SLC14A2: variants seen among roughly 807,000 people sequenced by gnomAD.
SLC14A2 encodes solute carrier family 14 member 2, also known as urea transporter 2.
In SLC14A2, 91 loss-of-function variants were observed where a neutral mutation model predicts 104.6. That is an observed-to-expected ratio of 0.87 (90% CI 0.73 to 1.04). The LOEUF (loss-of-function observed/expected upper bound fraction) is 1.04, where lower values mean the gene tolerates loss of function less well. Ranked by LOEUF, SLC14A2 falls within the 50% of genes least tolerant of loss-of-function variation. The probability of loss-of-function intolerance (pLI) is 0.00; values close to 1 mark genes in which losing one functional copy is unlikely to be tolerated. For missense variants in SLC14A2, 1,189 were observed against 1,156.0 expected, an observed-to-expected ratio of 1.03 and a Z score of -0.41; for synonymous variants, 476 against 466.4, an observed-to-expected ratio of 1.02 and a Z score of -0.27.
chr18:45,564,745 G>A (rs936043018), intron 2 of SLC14A2, among the ~76,000 whole-genome samples: 1 of 152,104 alleles, frequency 6.6e-6, no homozygotes, highest in Non-Finnish European at 1.5e-5. Context: ...GCCAATGAAG[G>A]GCTCTGGAGT....
At chr18:45,618,562 G>A (rs368235448) in intron 1 of SLC14A2, among the ~76,000 whole-genome samples, 16 of 151,292 alleles carry the variant, frequency 1.1e-4, no homozygotes, top group Admixed American at 3.3e-4. Context: ...CCAGCTACTC[G>A]GGAGGCTGAG....
intron 2 of SLC14A2, among the ~76,000 whole-genome samples, chr18:45,546,723 C>A (rs1048874575): frequency 3.3e-5 from 5 of 152,192 alleles, no homozygotes; most frequent in Admixed American, 2.6e-4. Flanking sequence ...CCTCAATTTC[C>A]TCATCTGTAA....
chr18:45,675,721 T>A (rs1241367192), intron 18 of SLC14A2, among the ~76,000 whole-genome samples: 2 of 120,478 alleles, frequency 1.7e-5, no homozygotes, highest in East Asian at 2.6e-4. Context: ...TTTTTTTTTT[T>A]TTTTTTTTGG....
At chr18:45,269,832 A>C (rs2084632142) in intron 1 of SLC14A2, among the ~76,000 whole-genome samples, 1 of 152,188 alleles carries the variant, frequency 6.6e-6, no homozygotes, top group African/African-American at 2.4e-5. Flanking sequence ...CAAAGCTGTC[A>C]AGGCAGTTGC....
At chr18:45,561,938 C>T (rs2044205617) in intron 2 of SLC14A2, among the ~76,000 whole-genome samples, 2 of 152,176 alleles carry the variant, frequency 1.3e-5, no homozygotes, top group Non-Finnish European at 2.9e-5. Context: ...TATGGCAAGT[C>T]ATCATATTCC....
intron 1 of SLC14A2, among the ~76,000 whole-genome samples, chr18:45,280,544 G>A (rs1464614647): frequency 6.6e-6 from 1 of 152,126 alleles, no homozygotes; most frequent in African/African-American, 2.4e-5. Context: ...TTTGATACCA[G>A]TCCAGGCTCT....
At position 45,663,755 on chromosome 18, in the gene SLC14A2, A is replaced by G. The variant is rs758613050; in HGVS notation, c.1352-30A>G. On this transcript the variant is annotated intron_variant, in intron 10 of 19. Coordinates refer to ENST00000255226, the MANE Select transcript of SLC14A2 (RefSeq NM_007163.4). ...CTCTCAGGTGCGGACTAGGTGGGAC[A>G]CTGACCTGTCTTGTTTTGCCCCTGG... 11 of 1,607,700 alleles carry G rather than the reference A, an allele frequency of 6.8e-6. No individual in the cohort carries two copies. In the African/African-American group the frequency reaches 1.5e-4, roughly 22 times the overall value.
chr18:45,356,298 G>A (rs1378345896), intron 1 of SLC14A2, among the ~76,000 whole-genome samples: 3 of 152,190 alleles, frequency 2.0e-5, no homozygotes, highest in Non-Finnish European at 4.4e-5. Context: ...TGAGATCATG[G>A]ATATAGAACA....
intron 1 of SLC14A2, among the ~76,000 whole-genome samples, chr18:45,222,443 A>G (rs12605591): frequency 0.12 from 17,829 of 152,198 alleles, 1,057 homozygotes; most frequent in African/African-American, 0.12. Flanking sequence ...CCATACTGAG[A>G]CTGACATGTG....
chr18:45,544,475 A>G (rs971530852), intron 2 of SLC14A2, among the ~76,000 whole-genome samples: 5 of 152,174 alleles, frequency 3.3e-5, no homozygotes, highest in African/African-American at 9.7e-5. Context: ...TGTCTTGTTC[A>G]TAGTAATCAT....
At chr18:45,418,394 T>C (rs553917139) in intron 1 of SLC14A2, among the ~76,000 whole-genome samples, 9 of 152,278 alleles carry the variant, frequency 5.9e-5, no homozygotes, top group Non-Finnish European at 1.3e-4. Flanking sequence ...TTGCATGTGG[T>C]GTTGAAACAA....
chr18:45,445,398 C>G (rs1332207702), intron 1 of SLC14A2, among the ~76,000 whole-genome samples: 4 of 152,174 alleles, frequency 2.6e-5, no homozygotes, highest in Non-Finnish European at 5.9e-5. Flanking sequence ...GCGTGAGCCA[C>G]CAAGCCTGGC....
chr18:45,637,637 C>T (rs1439932003), intron 6 of SLC14A2, among the ~76,000 whole-genome samples: 1 of 152,172 alleles, frequency 6.6e-6, no homozygotes, highest in Non-Finnish European at 1.5e-5. Flanking sequence ...TATATACTCT[C>T]TCTCTTAGTG....
intron 1 of SLC14A2, among the ~76,000 whole-genome samples, chr18:45,260,692 G>A (rs924869395): frequency 1.3e-5 from 2 of 152,096 alleles, no homozygotes; most frequent in Non-Finnish European, 2.9e-5. Context: ...CATTATCCTT[G>A]AATTAACAAT....
At chr18:45,622,123 T>A (rs1360241256) in intron 1 of SLC14A2, among the ~76,000 whole-genome samples, 1 of 152,112 alleles carries the variant, frequency 6.6e-6, no homozygotes, top group African/African-American at 2.4e-5. Flanking sequence ...CAACATGAGA[T>A]TAATATGGCA....
intron 1 of SLC14A2, among the ~76,000 whole-genome samples, chr18:45,293,519 C>T (rs1047491154): frequency 1.3e-5 from 2 of 151,820 alleles, no homozygotes; most frequent in Non-Finnish European, 2.9e-5. Context: ...AAGGTCCCCC[C>T]GAGAAGTGCC....
At chr18:45,681,687 GTTAC>G (rs1341458982) in intron 19 of SLC14A2, among the ~76,000 whole-genome samples, 2 of 152,152 alleles carry the variant, frequency 1.3e-5, no homozygotes, top group Non-Finnish European at 2.9e-5. Flanking sequence ...TCTCTGACGG[GTTAC>G]TTCTACTGCA....
intron 1 of SLC14A2, among the ~76,000 whole-genome samples, chr18:45,313,002 C>T (rs1166748940): frequency 1.3e-5 from 2 of 152,218 alleles, no homozygotes; most frequent in South Asian, 2.1e-4. Flanking sequence ...CACCACCACA[C>T]GCCCAGGGTT....
intron 1 of SLC14A2, among the ~76,000 whole-genome samples, chr18:45,399,041 T>A (rs1402556097): frequency 6.6e-6 from 1 of 152,196 alleles, no homozygotes. Flanking sequence ...ATGACACTTA[T>A]TGGATGCTAA....
Sources: gnomAD v4.1 joint callset for allele counts (sites outside exome capture counted in the v4.1 genomes callset) on GRCh38, gnomAD v4.1.1 for gene constraint, MANE v1.5 for transcripts, NCBI Gene and HGNC (gene_info 2026-07-23, HGNC 2026-07-21) for gene names.